CHD4: variants seen among roughly 807,000 people sequenced by gnomAD.
CHD4 encodes ATP-dependent chromatin remodeler CHD4.
CHD4 carries 35 observed loss-of-function variants against 235.5 expected under a neutral mutation model. That is an observed-to-expected ratio of 0.15 (90% CI 0.11 to 0.20). CHD4 has a LOEUF of 0.20. CHD4 is among the 10% of genes least tolerant of loss of function. The pLI is 1.00. For synonymous variants in CHD4, 900 were observed against 850.2 expected, an observed-to-expected ratio of 1.06 and a Z score of -1.02; for missense variants, 1,329 against 2,432.3, an observed-to-expected ratio of 0.55 and a Z score of 9.54.
At chr12:6,587,011 TTAAA>T (rs1168316717) in intron 25 of CHD4, 1 of 184,096 alleles carries the variant, frequency 5.4e-6, no homozygotes, top group African/African-American at 2.4e-5. Flanking sequence ...ACCCTGTCTC[TTAAA>T]TAAAAACCAG....
intron 33 of CHD4, among the ~76,000 whole-genome samples, chr12:6,579,826 G>C (rs1948145312): frequency 6.6e-6 from 1 of 151,176 alleles, no homozygotes; most frequent in Non-Finnish European, 1.5e-5. Flanking sequence ...GGAGGCCAAA[G>C]CGGGCGGATC....
chr12:6,583,964 C>T (rs544156183), intron 25 of CHD4: 10 of 152,256 alleles, frequency 6.6e-5, no homozygotes, highest in African/African-American at 1.2e-4. Context: ...TGGAATTAAA[C>T]AGCTGCTAAT....
At position 6,587,947 on chromosome 12, in the gene CHD4, G is replaced by A. The variant is rs1329601595; in HGVS notation, c.3468C>T (p.Ala1156=). ...SDWNPHNDIQ[A]FSRAHRIGQN... ...GCCCAATCCGGTGAGCTCTGCTAAA[G>A]GCCTGGAGTTGAACAGGAAATAAAG... Residue 1156 remains alanine, a splice_region_variant and synonymous_variant, in exon 24 of 40, where the codon GCC becomes GCT. Transcript: ENST00000544040. 4 of 1,613,318 alleles carry A rather than the reference G, an allele frequency of 2.5e-6. No individual in the cohort carries two copies. In the South Asian group the frequency reaches 4.4e-5, roughly 18 times the overall value.
Position 6,601,370 on chromosome 12 carries a change from T to C in CHD4, c.718A>G (p.Met240Val). The C allele has an allele frequency of 6.2e-7, 1 of 1,614,168 alleles. No individual in the cohort carries two copies. The change falls in exon 6 of 40, where the codon ATG becomes GTG. Residue 240 changes from methionine (M) to valine (V), a missense_variant. Met to Val is a conservative substitution (Grantham distance 21). Transcript: ENST00000544040. ...AAAAVAVVES[M>V]VTATEVAPPP... ...GGTGCAACCTCAGTGGCTGTCACCA[T>C]GCTCTCCACCACAGCTACCGCTGCT...
rs1229444702 is a variant in CHD4, at chr12:6,578,920, AG to A, written c.4910-4del. ...CACCTTCTCTACATCAGCAGCACCT[AG>A]GGGAAGAAATGTTATTGAGACTATA... On this transcript the variant is annotated splice_polypyrimidine_tract_variant and splice_region_variant and intron_variant, in intron 33 of 39. Coordinates refer to ENST00000544040, the MANE Select transcript of CHD4 (RefSeq NM_001273.5). The A allele has an allele frequency of 6.2e-7, 1 of 1,613,830 alleles. No homozygotes were observed. The highest frequency in any genetic ancestry group is 2.2e-5 in the East Asian group (1 of 44,882).
rs1359549166 is a variant in CHD4 at position 6,589,838 on chromosome 12, G to C, written c.3341-1416C>G. Among the ~76,000 whole-genome samples, 3 of 151,042 alleles carry C rather than the reference G, an allele frequency of 2.0e-5. No individual in the cohort carries two copies. The East Asian group carries it at 5.8e-4, about 29-fold the overall frequency. ...TGCCCAGAATGTCTAATCTAATCAAGAGAAAACATCACACAAACCCAAACT... is the reference window on the plus strand; with the variant it reads ...TGCCCAGAATGTCTAATCTAATCAACAGAAAACATCACACAAACCCAAACT... On this transcript the variant is annotated intron_variant, in intron 22 of 39. Coordinates refer to ENST00000544040, the MANE Select transcript of CHD4 (RefSeq NM_001273.5).
chr12:6,580,877 T>C, intron 33 of CHD4, 167 bp downstream of exon 33: 1 of 702,106 alleles, frequency 1.4e-6, no homozygotes, highest in Non-Finnish European at 2.4e-6. Flanking sequence ...CATGATGGCG[T>C]CTGTCTGTAA....
chr12:6,601,184 C>T (rs967969991), intron 6 of CHD4, 105 bp downstream of exon 6: 8 of 1,533,574 alleles, frequency 5.2e-6, no homozygotes, highest in Non-Finnish European at 7.0e-6. Context: ...CTCATTCCTC[C>T]CTCCTATCTC....
Position 6,579,075 on chromosome 12 carries a change from G to A in CHD4, c.4910-158C>T, listed in dbSNP as rs990905125. The A allele has an allele frequency of 6.5e-6, 4 of 617,404 alleles. No homozygotes were observed. In the East Asian group the frequency reaches 1.1e-4, roughly 17 times the overall value. The allele number at this position is 617,404 out of a possible 1,614,324, so 38.2% of individuals were successfully genotyped here. On this transcript the variant is annotated intron_variant, in intron 33 of 39. Coordinates refer to ENST00000544040, the MANE Select transcript of CHD4 (RefSeq NM_001273.5). ...CATGCCTGTAATCCCAGCATCTTGG[G>A]AGACAGCAGCAGGCAGATCACTTGA... is the stretch of plus-strand genomic sequence containing the variant.
intron 37 of CHD4, among the ~76,000 whole-genome samples, chr12:6,574,277 T>C (rs1405017098): frequency 2.0e-5 from 3 of 152,180 alleles, no homozygotes; most frequent in Admixed American, 6.5e-5. Context: ...TGTATGCACA[T>C]GAATTTTGTT....
At chr12:6,592,083 G>T in intron 19 of CHD4, 26 bp from the exon 20 acceptor site, 2 of 1,613,624 alleles carry the variant, frequency 1.2e-6, no homozygotes, top group Non-Finnish European at 1.7e-6. Flanking sequence ...AGAAAGACAG[G>T]TTAGACTTGA....
chr12:6,582,931 G>A lies in CHD4; in HGVS notation c.4153C>T (p.Arg1385Cys), dbSNP rs771875799. 1.9e-6 allele frequency: 3 copies of A among 1,613,446 alleles called. No individual in the cohort carries two copies. The highest frequency in any genetic ancestry group is 1.7e-6 in the Non-Finnish European group (2 of 1,179,814). ...EDFDERSEAPRRPSRKGLRND... is the reference protein window; with the variant it reads ...EDFDERSEAPCRPSRKGLRND... ...CGCAGGCCCTTACGACTGGGCCTAC[G>A]GGGAGCTGCAAGAAGAAAAAGATGA... is the stretch of plus-strand genomic sequence containing the variant. Residue 1385 changes from arginine (R) to cysteine (C), a missense_variant, in exon 28 of 40, where the codon CGT (arginine) becomes TGT (cysteine). Arg to Cys is a radical substitution (Grantham distance 180, BLOSUM62 -3). Coordinates refer to ENST00000544040, the MANE Select transcript of CHD4 (RefSeq NM_001273.5).
rs753607968 is a variant in CHD4 at position 6,578,403 on chromosome 12, C to G, written c.5119+6G>C. 16 of 1,611,570 alleles carry G rather than the reference C, an allele frequency of 9.9e-6. No individual in the cohort carries two copies. The highest frequency in any genetic ancestry group is 1.3e-5 in the Non-Finnish European group (15 of 1,179,380). On this transcript the variant is annotated splice_donor_region_variant and intron_variant, in intron 35 of 39. Coordinates refer to ENST00000544040, the MANE Select transcript of CHD4 (RefSeq NM_001273.5). ...TCTAACCCTGGTGGGCCCCTCATTT[C>G]CATACCAGTAAAACCACCATCTGCA...
chr12:6,577,777 C>A lies in CHD4; in HGVS notation c.5361+8G>T, dbSNP rs371006626. On this transcript the variant is annotated splice_region_variant and intron_variant, in intron 37 of 39. Coordinates refer to ENST00000544040, the MANE Select transcript of CHD4 (RefSeq NM_001273.5). ...ACTTAAGCAATATATTCCTCCCCAA[C>A]CGCTCACCTTAAACCTTCGAGCTAG... The A allele has an allele frequency of 1.0e-4, 161 of 1,613,990 alleles. No homozygotes were observed. Among genetic ancestry groups the A allele is most frequent in the Admixed American group, 3.7e-4 (22 of 60,004 alleles).
chr12:6,572,988 A>T lies in CHD4; in HGVS notation c.5557+86T>A, dbSNP rs1948003348. 2.9e-6 allele frequency: 4 copies of T among 1,357,562 alleles called. No homozygotes were observed. In the Admixed American group the frequency reaches 7.7e-5, roughly 26 times the overall value. The allele number at this position is 1,357,562 out of a possible 1,614,324, so 84.1% of individuals were successfully genotyped here. ...TAAACTCCCAGACAAAGGAGCTCTG[A>T]AAGTTTGAAAACAAATATATGTACA... is the stretch of plus-strand genomic sequence containing the variant. On this transcript the variant is annotated intron_variant, in intron 38 of 39. Transcript: ENST00000544040.
intron 29 of CHD4, 94 bp from the exon 30 acceptor site, chr12:6,582,375 C>A (rs1033454980): frequency 1.4e-6 from 2 of 1,436,840 alleles, no homozygotes; most frequent in East Asian, 2.3e-5. Flanking sequence ...CAGGCAATAA[C>A]TATGGCTCCA....
At chr12:6,576,855 T>C (rs1948079906) in intron 37 of CHD4, among the ~76,000 whole-genome samples, 1 of 152,176 alleles carries the variant, frequency 6.6e-6, no homozygotes, top group African/African-American at 2.4e-5. Flanking sequence ...CCTGGGCACA[T>C]CATTGCTTAG....
chr12:6,606,551 C>T (rs1050547458), intron 1 of CHD4, 100 bp from the exon 2 acceptor site: 2 of 500,758 alleles, frequency 4.0e-6, no homozygotes, highest in African/African-American at 2.0e-5. Context: ...CCCAGCCACC[C>T]TAGCAGGGCA....
chr12:6,605,566 A>G (rs1948679192), intron 2 of CHD4, among the ~76,000 whole-genome samples: 1 of 152,192 alleles, frequency 6.6e-6, no homozygotes, highest in South Asian at 2.1e-4. Context: ...TACCTCATAG[A>G]GACAGAAGCC....
Sources: gnomAD v4.1 joint callset for allele counts (sites outside exome capture counted in the v4.1 genomes callset) on GRCh38, gnomAD v4.1.1 for gene constraint, MANE v1.5 for transcripts, NCBI Gene and HGNC (gene_info 2026-07-23, HGNC 2026-07-21) for gene names.